TAF4B: variants seen among roughly 807,000 people sequenced by gnomAD.
The protein encoded by TAF4B is TATA-box binding protein associated factor 4b, also known as transcription initiation factor TFIID subunit 4B.
In TAF4B, 38 loss-of-function variants were observed where a neutral mutation model predicts 86.4. The ratio of observed to expected loss-of-function variants is 0.44; its 90% CI spans 0.34 to 0.58. The LOEUF (loss-of-function observed/expected upper bound fraction) is 0.58, where lower values mean the gene tolerates loss of function less well. Ranked by LOEUF, TAF4B falls within the 20% of genes least tolerant of loss-of-function variation. The pLI is 0.02. For synonymous variants in TAF4B, 388 were observed against 391.2 expected (o/e 0.99, Z 0.10); for missense variants, 988 against 1,027.6 (o/e 0.96, Z 0.53).
At chr18:26,262,016 T>G (rs1382558325) in intron 1 of TAF4B, among the ~76,000 whole-genome samples, 1 of 152,106 alleles carries the variant, frequency 6.6e-6, no homozygotes, top group Non-Finnish European at 1.5e-5. Context: ...TCTGCTCACC[T>G]CTCCCAACAT....
intron 9 of TAF4B, among the ~76,000 whole-genome samples, chr18:26,298,254 T>C (rs775404504): frequency 3.3e-5 from 5 of 151,984 alleles, no homozygotes; most frequent in African/African-American, 4.8e-5. Flanking sequence ...AGAGTCTTGC[T>C]CTGTCACGCA....
rs117389919 is a variant in TAF4B, at chr18:26,260,778, G to A, written c.344-4392G>A. 8.3e-3 allele frequency among the ~76,000 whole-genome samples: 1,267 copies of A among 152,224 alleles called. 11 individuals carry two copies. Among genetic ancestry groups the A allele is most frequent in the Middle Eastern group, 0.014 (4 of 294 alleles). On this transcript the variant is annotated intron_variant, in intron 1 of 14. Coordinates refer to ENST00000269142, the MANE Select transcript of TAF4B (RefSeq NM_005640.3). ...TTGTTACTGTAATGACAGAAGTTCC[G>A]TTTTTTAAAAATAATATCTATCTCT...
intron 6 of TAF4B, among the ~76,000 whole-genome samples, chr18:26,282,956 A>G (rs1423439473): frequency 1.3e-5 from 2 of 152,180 alleles, no homozygotes; most frequent in Non-Finnish European, 2.9e-5. Context: ...TTGTCCTGAG[A>G]TTGCAGCAAT....
At chr18:26,337,547 C>G (rs975802342) in intron 13 of TAF4B, among the ~76,000 whole-genome samples, 1 of 151,606 alleles carries the variant, frequency 6.6e-6, no homozygotes, top group South Asian at 2.1e-4. Flanking sequence ...CTCAGCCTCC[C>G]GAGTAGCTGG....
intron 1 of TAF4B, among the ~76,000 whole-genome samples, chr18:26,264,465 C>T (rs2056211601): frequency 6.6e-6 from 1 of 152,126 alleles, no homozygotes; most frequent in Admixed American, 6.5e-5. Context: ...CAGGAATCCT[C>T]ATTGGTTTAC....
At chr18:26,388,329 T>C (rs1468662048) in intron 14 of TAF4B, among the ~76,000 whole-genome samples, 1 of 152,256 alleles carries the variant, frequency 6.6e-6, no homozygotes, top group Non-Finnish European at 1.5e-5. Context: ...TGTTGTGTTT[T>C]CATCATTTTA....
chr18:26,304,790 G>T, intron 9 of TAF4B: 1 of 985,262 alleles, frequency 1.0e-6, no homozygotes, highest in Non-Finnish European at 1.2e-6. Flanking sequence ...ACCAAACAAT[G>T]GAATGAAAAT....
At chr18:26,281,361 C>T (rs941327813) in intron 5 of TAF4B, among the ~76,000 whole-genome samples, 2 of 152,010 alleles carry the variant, frequency 1.3e-5, no homozygotes, top group African/African-American at 4.8e-5. Context: ...TCTGTCACCG[C>T]ACAATTATAA....
At chr18:26,267,869 T>C (rs2056262617) in intron 3 of TAF4B, among the ~76,000 whole-genome samples, 2 of 152,166 alleles carry the variant, frequency 1.3e-5, no homozygotes, top group South Asian at 4.1e-4. Flanking sequence ...CTAATAGCCA[T>C]GTGTTGCAGT....
At chr18:26,280,397 A>G (rs980632200) in intron 5 of TAF4B, among the ~76,000 whole-genome samples, 6 of 152,210 alleles carry the variant, frequency 3.9e-5, no homozygotes, top group African/African-American at 1.4e-4. Context: ...ATGGAAGAAA[A>G]TATTTGCGAA....
Position 26,302,696 on chromosome 18 carries a change from A to G in TAF4B, c.1832+9165A>G, listed in dbSNP as rs1336824460. On this transcript the variant is annotated intron_variant, in intron 9 of 14. Transcript: ENST00000269142. The stretch of plus-strand genomic sequence containing the variant: ...TATCTTTTTGTCTTCAGGAGTTAAA[A>G]TTTGGTTTTTGTTTTTGCTATGGTT... Among the ~76,000 whole-genome samples the G allele has an allele frequency of 2.6e-5, 4 of 151,896 alleles. 1 individual carries two copies. Among genetic ancestry groups the G allele is most frequent in the Admixed American group, 2.0e-4 (3 of 15,228 alleles).
chr18:26,289,959 T>A (rs1315892371), intron 7 of TAF4B, among the ~76,000 whole-genome samples: 2 of 152,148 alleles, frequency 1.3e-5, no homozygotes, highest in African/African-American at 4.8e-5. Context: ...AAAATAAAAC[T>A]GTGTTATATT....
chr18:26,266,785 C>T (rs1048754997), intron 2 of TAF4B: 1 of 152,096 alleles, frequency 6.6e-6, no homozygotes. Context: ...TGGCATGAAC[C>T]CAGGAAGCGG....
At chr18:26,349,454 A>T (rs1425327623) in intron 13 of TAF4B, among the ~76,000 whole-genome samples, 1 of 152,030 alleles carries the variant, frequency 6.6e-6, no homozygotes, top group Non-Finnish European at 1.5e-5. Flanking sequence ...CCAAACAAAC[A>T]AACAAACAAA....
At chr18:26,332,487 C>T (rs1302700325) in intron 12 of TAF4B, among the ~76,000 whole-genome samples, 2 of 151,966 alleles carry the variant, frequency 1.3e-5, no homozygotes, top group African/African-American at 4.8e-5. Flanking sequence ...AGTGTTACAT[C>T]AGTGACATCT....
At chr18:26,265,613 C>T (rs762517082) in intron 2 of TAF4B, among the ~76,000 whole-genome samples, 19 of 152,020 alleles carry the variant, frequency 1.2e-4, no homozygotes, top group Non-Finnish European at 2.2e-4. Flanking sequence ...AGTACAATTG[C>T]GTGAACATGG....
intron 1 of TAF4B, among the ~76,000 whole-genome samples, chr18:26,230,363 CT>C (rs1350589275): frequency 2.0e-5 from 3 of 152,228 alleles, no homozygotes; most frequent in African/African-American, 7.2e-5. Flanking sequence ...TTCCCAACTT[CT>C]TGATCCAGTC....
At chr18:26,326,746 C>T (rs1286694295) in intron 11 of TAF4B, among the ~76,000 whole-genome samples, 4 of 152,136 alleles carry the variant, frequency 2.6e-5, no homozygotes, top group Non-Finnish European at 4.4e-5. Context: ...AATTCCTCCC[C>T]CTTCACCCCA....
intron 14 of TAF4B, among the ~76,000 whole-genome samples, chr18:26,364,242 G>A (rs1484056480): frequency 2.0e-5 from 3 of 152,084 alleles, no homozygotes; most frequent in South Asian, 2.1e-4. Flanking sequence ...TTACAATTTT[G>A]AATAAGATAT....
Sources: allele counts gnomAD v4.1 joint callset (sites outside exome capture counted in the v4.1 genomes callset), GRCh38; gene constraint gnomAD v4.1.1; transcripts MANE v1.5; gene names NCBI Gene and HGNC (gene_info 2026-07-23, HGNC 2026-07-21).